RREB1: variants seen among roughly 807,000 people sequenced by gnomAD.
RREB1 encodes ras responsive element binding protein 1.
A neutral mutation model predicts 117.8 loss-of-function variants in RREB1; 27 were observed. The observed-to-expected ratio is 0.23, with a 90% CI of 0.17 to 0.32. The LOEUF (loss-of-function observed/expected upper bound fraction) is 0.32, where lower values mean the gene tolerates loss of function less well. RREB1 is among the 10% of genes least tolerant of loss of function. The pLI is 1.00. For synonymous variants in RREB1, 1,298 were observed against 1,026.7 expected (o/e 1.26, Z -5.05); for missense variants, 2,577 against 2,378.2 (o/e 1.08, Z -1.74).
At chr6:7,142,220 T>TA (rs34787582) in intron 1 of RREB1, among the ~76,000 whole-genome samples, 36,145 of 140,950 alleles carry the variant, frequency 0.26, 5,510 homozygotes, top group African/African-American at 0.45. Flanking sequence ...CGTCTTAATT[T>TA]AAAAAAAAAA....
chr6:7,221,835 A>G (rs926240637), intron 8 of RREB1, among the ~76,000 whole-genome samples: 3 of 152,218 alleles, frequency 2.0e-5, no homozygotes, highest in Non-Finnish European at 2.9e-5. Context: ...AAGAGAGAAC[A>G]TGTTCCTTTG....
chr6:7,155,530 C>G (rs950325250), intron 1 of RREB1, among the ~76,000 whole-genome samples: 7 of 152,354 alleles, frequency 4.6e-5, no homozygotes, highest in Admixed American at 1.3e-4. Context: ...TGGCTAGTCT[C>G]GAACTCCTGA....
chr6:7,248,604 A>G lies in RREB1; in HGVS notation c.4865A>G (p.His1622Arg), dbSNP rs774151170. ...RHQRIHQKAR[H>R]AKHHGKDSDK... ...CAGCGGATCCACCAGAAAGCCAGGC[A>G]TGCCAAACACCACGGGAAGGACAGC... Residue 1622 changes from histidine (H) to arginine (R), a missense_variant, in exon 13 of 13, where the codon CAT becomes CGT. Transcript: ENST00000379938. 1 of 1,614,156 alleles carries G rather than the reference A, an allele frequency of 6.2e-7. No individual in the cohort carries two copies. Among genetic ancestry groups the G allele is most frequent in the African/African-American group, 1.3e-5 (1 of 74,952 alleles).
At chr6:7,138,340 C>T (rs1034238398) in intron 1 of RREB1, among the ~76,000 whole-genome samples, 46 of 152,266 alleles carry the variant, frequency 3.0e-4, no homozygotes, top group African/African-American at 1.1e-3. Flanking sequence ...TCGGCACACA[C>T]CCAGAATAGG....
rs149136576 is a variant in RREB1, at chr6:7,140,861, G to C, written c.-285+32801G>C. On this transcript the variant is annotated intron_variant, in intron 1 of 12. Transcript: ENST00000379938. ...TGGTGGCTCGCGCGCGCTGGCCCCC[G>C]AGCGCCAGCGTGGGTGACCCGTGCC... is the stretch of plus-strand genomic sequence containing the variant. 25 of 152,290 alleles carry C rather than the reference G, an allele frequency of 1.6e-4. No individual in the cohort carries two copies. The East Asian group carries it at 4.7e-3, about 28-fold the overall frequency. 9.4% of individuals were successfully genotyped at this position (152,290 alleles called of 1,614,324 possible).
intron 1 of RREB1, among the ~76,000 whole-genome samples, chr6:7,133,451 A>G (rs552526137): frequency 1.3e-3 from 200 of 152,226 alleles, no homozygotes; most frequent in African/African-American, 4.7e-3. Flanking sequence ...GCCAGGCACC[A>G]TGGCACACCC....
At chr6:7,136,746 AT>A (rs1242427698) in intron 1 of RREB1, among the ~76,000 whole-genome samples, 2 of 152,260 alleles carry the variant, frequency 1.3e-5, no homozygotes, top group Non-Finnish European at 2.9e-5. Flanking sequence ...TAAATAAAGC[AT>A]AAATATCTTT....
intron 6 of RREB1, among the ~76,000 whole-genome samples, chr6:7,208,723 G>T (rs550954874): frequency 3.9e-5 from 6 of 152,204 alleles, no homozygotes; most frequent in Admixed American, 1.3e-4. Context: ...AACTGGAGGT[G>T]GGAATGTTCT....
At position 7,148,106 on chromosome 6, in the gene RREB1, G is replaced by C. The variant is rs115199275; in HGVS notation, c.-284-28549G>C. On this transcript the variant is annotated intron_variant, in intron 1 of 12. Coordinates refer to ENST00000379938, the MANE Select transcript of RREB1 (RefSeq NM_001003699.4). ...GTGAGTGAGAGCCAGCAGGGTATAC[G>C]TGGGGGGAGAGGTATGTAAAATAAA... is the stretch of plus-strand genomic sequence containing the variant. Among the ~76,000 whole-genome samples, 640 of 152,272 alleles carry C rather than the reference G, an allele frequency of 4.2e-3. 5 individuals are homozygous for C. The highest frequency in any genetic ancestry group is 0.014 in the African/African-American group (601 of 41,538).
chr6:7,138,319 GAAGGAAAACT>G (rs1762428390), intron 1 of RREB1, among the ~76,000 whole-genome samples: 1 of 152,158 alleles, frequency 6.6e-6, no homozygotes, highest in Non-Finnish European at 1.5e-5. Flanking sequence ...TAATTGGTGG[GAAGGAAAACT>G]TCGGCACACA....
At chr6:7,247,884 C>T (rs752070984) in intron 12 of RREB1, among the ~76,000 whole-genome samples, 51 of 152,226 alleles carry the variant, frequency 3.4e-4, no homozygotes, top group Non-Finnish European at 6.5e-4. Flanking sequence ...CCTGTCCCTC[C>T]TCTCAGCCGC....
chr6:7,115,871 C>T (rs929830959), intron 1 of RREB1, among the ~76,000 whole-genome samples: 3 of 152,142 alleles, frequency 2.0e-5, no homozygotes, highest in African/African-American at 4.8e-5. Flanking sequence ...GCCTTCTAGG[C>T]CAGGAGTCTT....
At chr6:7,219,647 CTGTT>C (rs1229648501) in intron 8 of RREB1, among the ~76,000 whole-genome samples, 1 of 152,132 alleles carries the variant, frequency 6.6e-6, no homozygotes, top group Non-Finnish European at 1.5e-5. Flanking sequence ...TTTGGCTTGT[CTGTT>C]TGATTTTTGG....
intron 6 of RREB1, among the ~76,000 whole-genome samples, chr6:7,200,283 T>TGTGTGTGTGTA (rs1491275718): frequency 6.4e-5 from 6 of 93,962 alleles, no homozygotes; most frequent in African/African-American, 4.6e-4. Flanking sequence ...TGTGTGTGTA[T>TGTGTGTGTGTA]TTTTTTTTTT....
chr6:7,131,491 T>G (rs1274065200), intron 1 of RREB1, among the ~76,000 whole-genome samples: 1 of 152,224 alleles, frequency 6.6e-6, no homozygotes, highest in Non-Finnish European at 1.5e-5. Context: ...CTGTTATTTC[T>G]GTTTACAGAT....
chr6:7,170,008 C>T (rs1162396938), intron 1 of RREB1, among the ~76,000 whole-genome samples: 1 of 152,226 alleles, frequency 6.6e-6, no homozygotes, highest in Non-Finnish European at 1.5e-5. Flanking sequence ...AGAGAAGCTG[C>T]TTCCTGCATG....
intron 6 of RREB1, among the ~76,000 whole-genome samples, chr6:7,201,436 C>T (rs946543561): frequency 1.2e-4 from 19 of 152,150 alleles, no homozygotes; most frequent in Non-Finnish European, 5.9e-5. Flanking sequence ...CTGAAGCGTG[C>T]CCACTCACTG....
chr6:7,177,259 A>C (rs762888160), intron 2 of RREB1, among the ~76,000 whole-genome samples: 1 of 150,002 alleles, frequency 6.7e-6, no homozygotes, highest in Non-Finnish European at 1.5e-5. Flanking sequence ...AAGAAATTGT[A>C]ACTATAACTT....
intron 10 of RREB1, among the ~76,000 whole-genome samples, chr6:7,234,192 C>A (rs541392884): frequency 2.6e-5 from 4 of 152,216 alleles, no homozygotes; most frequent in African/African-American, 9.6e-5. Flanking sequence ...GAAGAAAATG[C>A]ATCTTCAAGA....
Sources: allele counts gnomAD v4.1 joint callset (sites outside exome capture counted in the v4.1 genomes callset), GRCh38; gene constraint gnomAD v4.1.1; transcripts MANE v1.5; gene names NCBI Gene and HGNC (gene_info 2026-07-23, HGNC 2026-07-21).